FAM107B: variants seen among roughly 807,000 people sequenced by gnomAD.
The protein encoded by FAM107B is family with sequence similarity 107 member B.
Under a neutral mutation model 31.5 loss-of-function variants are expected in FAM107B, and 21 were observed. The observed-to-expected ratio is 0.67, with a 90% CI of 0.47 to 0.96. The LOEUF is 0.96. Among genes scored for constraint, FAM107B ranks in the 40% least tolerant of loss-of-function variants. The pLI is 0.00. For synonymous variants in FAM107B, 157 were observed against 141.5 expected (o/e 1.11, Z -0.78); for missense variants, 452 against 377.1 (o/e 1.20, Z -1.64).
rs778428890 is a variant in FAM107B at position 14,518,774 on chromosome 10, G to C, written c.*2416C>G. 1 of 152,598 alleles carries C rather than the reference G, an allele frequency of 6.6e-6. No homozygotes were observed. The highest frequency in any genetic ancestry group is 1.5e-5 in the Non-Finnish European group (1 of 68,042). The allele number at this position is 152,598 out of a possible 1,614,324, so 9.5% of individuals were successfully genotyped here. On this transcript the variant is annotated 3_prime_UTR_variant, in exon 5 of 5. Coordinates refer to ENST00000181796, the MANE Select transcript of FAM107B (RefSeq NM_031453.4). ...TCAGAGTAGAAGAATAAAGTCGACT[G>C]TTATAGCTTAGAAAGCAACACTACT...
chr10:14,528,722 CCAGA>C (rs1247036210), intron 3 of FAM107B, among the ~76,000 whole-genome samples: 1 of 152,054 alleles, frequency 6.6e-6, no homozygotes, highest in Admixed American at 6.6e-5. Context: ...GAAGAACAGG[CCAGA>C]CAAAGACAGA....
intron 1 of FAM107B, among the ~76,000 whole-genome samples, chr10:14,679,061 T>A (rs1447072101): frequency 6.6e-6 from 1 of 152,170 alleles, no homozygotes; most frequent in African/African-American, 2.4e-5. Context: ...AGACTGAGGT[T>A]CAAATCCCAG....
At chr10:14,689,648 G>A (rs533737448) in intron 1 of FAM107B, among the ~76,000 whole-genome samples, 1 of 152,068 alleles carries the variant, frequency 6.6e-6, no homozygotes, top group Non-Finnish European at 1.5e-5. Context: ...AATATTTTTC[G>A]CTTTTAATTT....
chr10:14,534,572 C>G (rs565937175), intron 2 of FAM107B, among the ~76,000 whole-genome samples: 2 of 152,284 alleles, frequency 1.3e-5, no homozygotes, highest in South Asian at 4.1e-4. Flanking sequence ...CCTCACACCC[C>G]GCCTTCCCTC....
At chr10:14,538,066 G>A (rs1299806120) in intron 2 of FAM107B, among the ~76,000 whole-genome samples, 1 of 152,124 alleles carries the variant, frequency 6.6e-6, no homozygotes, top group Non-Finnish European at 1.5e-5. Flanking sequence ...TCCATGGGCT[G>A]GGATGATGGA....
At chr10:14,730,362 C>A (rs138229129) in intron 1 of FAM107B, among the ~76,000 whole-genome samples, 3 of 152,108 alleles carry the variant, frequency 2.0e-5, no homozygotes, top group Admixed American at 1.3e-4. Flanking sequence ...TGCCCTGACC[C>A]GACTCTTGCC....
intron 1 of FAM107B, among the ~76,000 whole-genome samples, chr10:14,677,396 CAGATCACG>C (rs1324969533): frequency 6.6e-6 from 1 of 152,124 alleles, no homozygotes; most frequent in Non-Finnish European, 1.5e-5. Context: ...CCGAGGTGGG[CAGATCACG>C]AGGTCAGGAG....
At chr10:14,531,213 T>A (rs1454101660) in intron 2 of FAM107B, among the ~76,000 whole-genome samples, 1 of 152,214 alleles carries the variant, frequency 6.6e-6, no homozygotes, top group Non-Finnish European at 1.5e-5. Flanking sequence ...CTGTGCCACA[T>A]GTATTCCCCT....
At chr10:14,556,860 A>G (rs766950612) in intron 2 of FAM107B, among the ~76,000 whole-genome samples, 5 of 151,898 alleles carry the variant, frequency 3.3e-5, no homozygotes, top group Non-Finnish European at 7.4e-5. Context: ...AGCGGCCCTC[A>G]CTCCCCACCT....
chr10:14,719,448 A>G (rs572501394), intron 1 of FAM107B, among the ~76,000 whole-genome samples: 14 of 152,310 alleles, frequency 9.2e-5, no homozygotes, highest in East Asian at 3.9e-4. Flanking sequence ...AAATCCATTC[A>G]TGTTCTTTCA....
intron 2 of FAM107B, among the ~76,000 whole-genome samples, chr10:14,612,140 G>A (rs1016915983): frequency 3.9e-5 from 6 of 152,086 alleles, no homozygotes; most frequent in East Asian, 3.8e-4. Flanking sequence ...ATGTTAAATC[G>A]TGCCAGAGAA....
chr10:14,553,239 G>T, intron 2 of FAM107B: 2 of 606,280 alleles, frequency 3.3e-6, no homozygotes, highest in Non-Finnish European at 4.7e-6. Flanking sequence ...AATTATATCT[G>T]TTCACAGGTA....
At chr10:14,542,074 T>A (rs777280228) in intron 2 of FAM107B, among the ~76,000 whole-genome samples, 4 of 151,830 alleles carry the variant, frequency 2.6e-5, no homozygotes, top group African/African-American at 9.7e-5. Flanking sequence ...CTTGGCCAAG[T>A]AGAAACCCCA....
chr10:14,671,239 T>C (rs1854532951), intron 1 of FAM107B, among the ~76,000 whole-genome samples: 1 of 152,234 alleles, frequency 6.6e-6, no homozygotes, highest in Non-Finnish European at 1.5e-5. Context: ...GTTCCAGGAC[T>C]GTTCCTTAGT....
intron 2 of FAM107B, among the ~76,000 whole-genome samples, chr10:14,559,105 AAAAAAAAAAAAAC>A (rs1849983918): frequency 1.9e-5 from 2 of 106,774 alleles, no homozygotes; most frequent in South Asian, 5.9e-4. Context: ...ACTTCAAAAA[AAAAAAAAAAAAAC>A]AAAAAAAAAA....
At chr10:14,523,158 G>A (rs1039162222) in intron 3 of FAM107B, among the ~76,000 whole-genome samples, 4 of 152,200 alleles carry the variant, frequency 2.6e-5, no homozygotes, top group Non-Finnish European at 5.9e-5. Context: ...CTTAAGATTT[G>A]CCTTTTCTAT....
At chr10:14,724,036 A>C in intron 1 of FAM107B, 1 of 835,202 alleles carries the variant, frequency 1.2e-6, no homozygotes, top group Non-Finnish European at 2.0e-6. Flanking sequence ...CATTTGCAGG[A>C]CATCAAGGGC....
chr10:14,652,097 C>T (rs1027592943), intron 2 of FAM107B, among the ~76,000 whole-genome samples: 1 of 151,974 alleles, frequency 6.6e-6, no homozygotes, highest in Non-Finnish European at 1.5e-5. Flanking sequence ...CAGAGTTAAA[C>T]ATAATGTTTT....
intron 1 of FAM107B, among the ~76,000 whole-genome samples, chr10:14,759,813 G>C (rs1833007774): frequency 6.6e-6 from 1 of 151,960 alleles, no homozygotes; most frequent in Admixed American, 6.6e-5. Flanking sequence ...CCGGACACAA[G>C]TGATTCTTGT....
Sources: allele counts gnomAD v4.1 joint callset (sites outside exome capture counted in the v4.1 genomes callset), GRCh38; gene constraint gnomAD v4.1.1; transcripts MANE v1.5; gene names NCBI Gene and HGNC (gene_info 2026-07-23, HGNC 2026-07-21).